CSMD3: variants seen among roughly 807,000 people sequenced by gnomAD.
The protein encoded by CSMD3 is CUB and Sushi multiple domains 3.
A neutral mutation model predicts 435.2 loss-of-function variants in CSMD3; 177 were observed. The ratio of observed to expected loss-of-function variants is 0.41; its 90% CI spans 0.36 to 0.46. The LOEUF (loss-of-function observed/expected upper bound fraction) is 0.46. Among genes scored for constraint, CSMD3 ranks in the 20% least tolerant of loss-of-function variants. The pLI, the probability that CSMD3 is intolerant of heterozygous loss-of-function variation, is 0.34. For synonymous variants in CSMD3, 1,656 were observed against 1,520.5 expected, an observed-to-expected ratio of 1.09 and a Z score of -2.07; for missense variants, 4,265 against 4,504.6, an observed-to-expected ratio of 0.95 and a Z score of 1.52.
At chr8:113,401,574 T>G (rs1390634881) in intron 1 of CSMD3, among the ~76,000 whole-genome samples, 1 of 151,716 alleles carries the variant, frequency 6.6e-6, no homozygotes, top group East Asian at 1.9e-4. Flanking sequence ...TTATAGTTTC[T>G]GTATTTAAAA....
chr8:112,408,808 A>T (rs961828696), intron 33 of CSMD3, 111 bp downstream of exon 33: 24 of 1,548,842 alleles, frequency 1.5e-5, no homozygotes, highest in Admixed American at 9.5e-5. Context: ...CACTATTTTC[A>T]GTTTGCTTTA....
chr8:113,325,663 T>C (rs2093979039), intron 1 of CSMD3, among the ~76,000 whole-genome samples: 1 of 152,192 alleles, frequency 6.6e-6, no homozygotes, highest in Admixed American at 6.5e-5. Flanking sequence ...AAAAGAGTTG[T>C]ATGGTAGAAA....
At chr8:113,082,717 A>C (rs2089613007) in intron 5 of CSMD3, among the ~76,000 whole-genome samples, 1 of 152,182 alleles carries the variant, frequency 6.6e-6, no homozygotes, top group Non-Finnish European at 1.5e-5. Context: ...TCAGGAAAAC[A>C]ATTCTTAATC....
intron 1 of CSMD3, among the ~76,000 whole-genome samples, chr8:113,432,624 CG>C (rs2094681593): frequency 6.6e-6 from 1 of 152,162 alleles, no homozygotes; most frequent in South Asian, 2.1e-4. Context: ...ATCTGGGGGA[CG>C]GGGACGTTGC....
chr8:113,271,297 T>C (rs904367797), intron 3 of CSMD3, among the ~76,000 whole-genome samples: 2 of 152,114 alleles, frequency 1.3e-5, no homozygotes, highest in African/African-American at 4.8e-5. Flanking sequence ...GGAAAATATC[T>C]CCAGGGCACG....
intron 58 of CSMD3, among the ~76,000 whole-genome samples, chr8:112,286,530 C>T (rs965349847): frequency 3.3e-5 from 5 of 152,090 alleles, no homozygotes; most frequent in Non-Finnish European, 5.9e-5. Context: ...TGAGTACAGT[C>T]AACAAGATAT....
intron 59 of CSMD3, among the ~76,000 whole-genome samples, chr8:112,269,737 C>G (rs964566365): frequency 1.3e-5 from 2 of 152,210 alleles, no homozygotes; most frequent in Non-Finnish European, 1.5e-5. Context: ...TCTTCTCTCT[C>G]TGTCTGAACA....
intron 3 of CSMD3, among the ~76,000 whole-genome samples, chr8:113,243,024 T>C (rs2093236531): frequency 6.6e-6 from 1 of 151,894 alleles, no homozygotes; most frequent in Non-Finnish European, 1.5e-5. Flanking sequence ...AACCTGACAA[T>C]AGTTCTGCAT....
intron 3 of CSMD3, among the ~76,000 whole-genome samples, chr8:113,177,873 T>C (rs1190333615): frequency 3.3e-5 from 5 of 151,974 alleles, no homozygotes; most frequent in Non-Finnish European, 7.4e-5. Context: ...TATTCTAAAG[T>C]GTAGAAGATT....
At chr8:113,175,588 G>A (rs1386143940) in intron 3 of CSMD3, among the ~76,000 whole-genome samples, 1 of 151,858 alleles carries the variant, frequency 6.6e-6, no homozygotes. Flanking sequence ...TGTGAATTTT[G>A]AGCAACTTTT....
intron 1 of CSMD3, among the ~76,000 whole-genome samples, chr8:113,379,042 T>C (rs1286810337): frequency 1.3e-5 from 2 of 152,096 alleles, no homozygotes; most frequent in African/African-American, 2.4e-5. Flanking sequence ...TATCATTAGG[T>C]TTTAAGTGAG....
At chr8:113,184,488 T>C (rs1029337273) in intron 3 of CSMD3, among the ~76,000 whole-genome samples, 2 of 152,008 alleles carry the variant, frequency 1.3e-5, no homozygotes, top group Non-Finnish European at 2.9e-5. Flanking sequence ...TAGCATCACT[T>C]TGGAGTTTCT....
At chr8:113,403,002 C>A (rs1242033372) in intron 1 of CSMD3, among the ~76,000 whole-genome samples, 1 of 151,150 alleles carries the variant, frequency 6.6e-6, no homozygotes, top group Non-Finnish European at 1.5e-5. Context: ...GTCCAAGCAT[C>A]AAATACAATT....
rs1812344305 is a variant in CSMD3, at chr8:112,223,764, ATAATGCTAAATTTGAAGACTCAGC to A, written c.*983_*1006del. Reference sequence around the variant, plus strand: ...TTAAATGAAAATTAAAAGTGTCAAAATAATGCTAAATTTGAAGACTCAGCTGGAAGGAAATGTAGATATAAATAG... The same window carrying A: ...TTAAATGAAAATTAAAAGTGTCAAAATGGAAGGAAATGTAGATATAAATAG... On this transcript the variant is annotated 3_prime_UTR_variant, in exon 71 of 71. Transcript: ENST00000297405. 1 of 152,194 alleles carries A rather than the reference ATAATGCTAAATTTGAAGACTCAGC, an allele frequency of 6.6e-6. No individual in the cohort carries two copies. Among genetic ancestry groups the A allele is most frequent in the Admixed American group, 6.5e-5 (1 of 15,274 alleles). The allele number at this position is 152,194 out of a possible 1,614,324, so 9.4% of individuals were successfully genotyped here.
intron 13 of CSMD3, among the ~76,000 whole-genome samples, chr8:112,690,552 C>T (rs148815088): frequency 1.8e-3 from 267 of 150,952 alleles, no homozygotes; most frequent in African/African-American, 6.3e-3. Context: ...CTTCCACACT[C>T]TGGTACTAGT....
intron 5 of CSMD3, 128 bp from the exon 6 acceptor site, chr8:113,019,307 A>G: frequency 1.4e-6 from 1 of 698,336 alleles, no homozygotes; most frequent in East Asian, 2.7e-5. Flanking sequence ...TTTAAGCACA[A>G]ATGAAATAGT....
chr8:113,204,049 C>A (rs904655584), intron 3 of CSMD3, among the ~76,000 whole-genome samples: 32 of 152,060 alleles, frequency 2.1e-4, no homozygotes, highest in African/African-American at 7.5e-4. Context: ...TTTTCACTTG[C>A]ATAATTTTCT....
chr8:112,838,954 A>C (rs1300973050), intron 11 of CSMD3, among the ~76,000 whole-genome samples: 2 of 151,828 alleles, frequency 1.3e-5, no homozygotes, highest in Non-Finnish European at 2.9e-5. Flanking sequence ...ATTCATTTGA[A>C]AGTGATATCA....
At chr8:113,017,950 A>G (rs1044876927) in intron 6 of CSMD3, among the ~76,000 whole-genome samples, 1 of 152,044 alleles carries the variant, frequency 6.6e-6, no homozygotes, top group Non-Finnish European at 1.5e-5. Context: ...ATTATGATAC[A>G]TGTTAACACA....
Sources: gnomAD v4.1 joint callset for allele counts (sites outside exome capture counted in the v4.1 genomes callset) on GRCh38, gnomAD v4.1.1 for gene constraint, MANE v1.5 for transcripts, NCBI Gene and HGNC (gene_info 2026-07-23, HGNC 2026-07-21) for gene names.